The following TMEM248 variants were observed in gnomAD, a reference collection of about 807,000 sequenced individuals.
TMEM248 encodes the protein UPF0458 protein C7orf42.
In TMEM248, 9 loss-of-function variants were observed where a neutral mutation model predicts 30.3. The ratio of observed to expected loss-of-function variants is 0.30; its 90% CI spans 0.18 to 0.52. The LOEUF is 0.52. Ranked by LOEUF, TMEM248 falls within the 20% of genes least tolerant of loss-of-function variation. The probability of loss-of-function intolerance (pLI) is 0.97; values close to 1 mark genes in which losing one functional copy is unlikely to be tolerated. For synonymous variants in TMEM248, 184 were observed against 154.4 expected, an observed-to-expected ratio of 1.19 and a Z score of -1.42; for missense variants, 338 against 403.3, an observed-to-expected ratio of 0.84 and a Z score of 1.39.
At chr7:66,922,428 C>G (rs1001225127) in intron 1 of TMEM248, among the ~76,000 whole-genome samples, 1 of 152,144 alleles carries the variant, frequency 6.6e-6, no homozygotes. Flanking sequence ...TCTACTTCCT[C>G]TTTTCATCTA....
intron 3 of TMEM248, 24 bp downstream of exon 3, chr7:66,945,285 C>T (rs929945581): frequency 1.2e-6 from 2 of 1,605,512 alleles, no homozygotes; most frequent in African/African-American, 1.3e-5. Flanking sequence ...ACTCTCCACT[C>T]AGGCTCCTTA....
intron 1 of TMEM248, among the ~76,000 whole-genome samples, chr7:66,939,015 G>T (rs921312054): frequency 1.3e-5 from 2 of 152,192 alleles, no homozygotes; most frequent in Non-Finnish European, 2.9e-5. Context: ...GGGCCTAAAT[G>T]GCTGATTAAA....
chr7:66,929,345 T>C (rs1429642909), intron 1 of TMEM248, among the ~76,000 whole-genome samples: 1 of 152,052 alleles, frequency 6.6e-6, no homozygotes, highest in Non-Finnish European at 1.5e-5. Flanking sequence ...TAGACGTTAT[T>C]ATTGTTAAGC....
chr7:66,952,749 A>G (rs911335322), intron 5 of TMEM248, among the ~76,000 whole-genome samples: 9 of 152,180 alleles, frequency 5.9e-5, no homozygotes, highest in Non-Finnish European at 1.2e-4. Flanking sequence ...GAAAAGCAGG[A>G]GGAAGGGCGT....
At chr7:66,945,558 T>C (rs1792077285) in intron 3 of TMEM248, among the ~76,000 whole-genome samples, 1 of 152,222 alleles carries the variant, frequency 6.6e-6, no homozygotes, top group South Asian at 2.1e-4. Flanking sequence ...GTTGGAGTTT[T>C]CATTACTTAC....
intron 2 of TMEM248, 54 bp from the exon 3 acceptor site, chr7:66,944,922 G>A (rs1792052803): frequency 1.9e-6 from 3 of 1,589,566 alleles, no homozygotes; most frequent in African/African-American, 1.3e-5. Context: ...TATTCCCGCA[G>A]TGGGAGACAG....
At chr7:66,943,373 A>G (rs1792013226) in intron 2 of TMEM248, among the ~76,000 whole-genome samples, 1 of 152,230 alleles carries the variant, frequency 6.6e-6, no homozygotes, top group Non-Finnish European at 1.5e-5. Flanking sequence ...GGCTTTAGCC[A>G]GCTGTTCAAC....
chr7:66,945,778 C>T (rs1467548952), intron 3 of TMEM248, among the ~76,000 whole-genome samples: 1 of 151,872 alleles, frequency 6.6e-6, no homozygotes, highest in African/African-American at 2.4e-5. Flanking sequence ...TGGTGAAACC[C>T]CATCACTACT....
chr7:66,941,561 AACACACAC>A (rs72442084), intron 1 of TMEM248, among the ~76,000 whole-genome samples: 14,708 of 142,706 alleles, frequency 0.1, 883 homozygotes, highest in South Asian at 0.2. Flanking sequence ...TGTTTCTTAA[AACACACAC>A]ACACACACAC....
At chr7:66,930,528 G>C (rs1017320824) in intron 1 of TMEM248, 3 of 152,228 alleles carry the variant, frequency 2.0e-5, no homozygotes, top group African/African-American at 4.8e-5. Flanking sequence ...TGGAGCTCCA[G>C]CTTTGGACTT....
intron 1 of TMEM248, among the ~76,000 whole-genome samples, chr7:66,933,874 T>C (rs530818608): frequency 2.0e-5 from 3 of 152,332 alleles, no homozygotes; most frequent in African/African-American, 7.2e-5. Context: ...CATTTCTTTC[T>C]TCATCTTGGT....
intron 1 of TMEM248, among the ~76,000 whole-genome samples, chr7:66,932,662 A>AC (rs1236389059): frequency 6.8e-6 from 1 of 147,130 alleles, no homozygotes; most frequent in Non-Finnish European, 1.5e-5. Flanking sequence ...TTACAGGCGC[A>AC]CGCTGCCACT....
At chr7:66,944,847 T>C in intron 2 of TMEM248, 129 bp from the exon 3 acceptor site, 1 of 970,842 alleles carries the variant, frequency 1.0e-6, no homozygotes. Context: ...TGTCATGATC[T>C]TAAATGATCA....
At chr7:66,925,942 ATTTTTAG>A (rs1791511910) in intron 1 of TMEM248, among the ~76,000 whole-genome samples, 1 of 151,834 alleles carries the variant, frequency 6.6e-6, no homozygotes, top group African/African-American at 2.4e-5. Context: ...CGCCCGGCCT[ATTTTTAG>A]TTTTTAAAGG....
chr7:66,923,879 T>C (rs903790195), intron 1 of TMEM248, among the ~76,000 whole-genome samples: 1 of 152,132 alleles, frequency 6.6e-6, no homozygotes, highest in African/African-American at 2.4e-5. Context: ...TTGGCCAGGC[T>C]GGTCTCAAAC....
In TMEM248 at chr7:66,958,338, CTG is replaced by C. The variant is rs1792449829; in HGVS notation, c.*2818_*2819del. 1 of 152,682 alleles carries C rather than the reference CTG, an allele frequency of 6.5e-6. No homozygotes were observed. The highest frequency in any genetic ancestry group is 6.6e-5 in the Admixed American group (1 of 15,262). The allele number at this position is 152,682 out of a possible 1,614,324, so 9.5% of individuals were successfully genotyped here. ...TCTTGTCGTGAGGCACCTGCCATGTCTGTTGCGTTTTCCTCGGCAGCGTGTAG... is the reference window on the plus strand; with the variant it reads ...TCTTGTCGTGAGGCACCTGCCATGTCTTGCGTTTTCCTCGGCAGCGTGTAG... On this transcript the variant is annotated 3_prime_UTR_variant, in exon 7 of 7. Transcript: ENST00000341567.
At chr7:66,941,374 G>A (rs146323714) in intron 1 of TMEM248, among the ~76,000 whole-genome samples, 1,759 of 134,102 alleles carry the variant, frequency 0.013, 32 homozygotes, top group African/African-American at 0.046. Context: ...GTGAGACTCC[G>A]TCTCAAAAAA....
chr7:66,951,265 C>T, intron 5 of TMEM248, 130 bp downstream of exon 5: 6 of 847,384 alleles, frequency 7.1e-6, no homozygotes, highest in Non-Finnish European at 8.3e-6. Context: ...CTTTAGATTT[C>T]CAGGTGAGTT....
intron 1 of TMEM248, among the ~76,000 whole-genome samples, chr7:66,927,263 CGTAA>C (rs1791550187): frequency 6.6e-6 from 1 of 151,898 alleles, no homozygotes; most frequent in Non-Finnish European, 1.5e-5. Flanking sequence ...CATTAACAAC[CGTAA>C]GTGAGGAGAA....
Sources: allele counts gnomAD v4.1 joint callset (sites outside exome capture counted in the v4.1 genomes callset), GRCh38; gene constraint gnomAD v4.1.1; transcripts MANE v1.5; gene names NCBI Gene and HGNC (gene_info 2026-07-23, HGNC 2026-07-21).